GRK3: variants seen among roughly 807,000 people sequenced by gnomAD.
The protein encoded by GRK3 is G protein-coupled receptor kinase 3, also known as adrenergic, beta, receptor kinase 2.
In GRK3, 54 loss-of-function variants were observed where a neutral mutation model predicts 95.7. The observed-to-expected ratio is 0.56, with a 90% CI of 0.45 to 0.71. GRK3 has a LOEUF of 0.71. Among genes scored for constraint, GRK3 ranks in the 30% least tolerant of loss-of-function variants. GRK3 has a pLI of 0.00. For missense variants in GRK3, 649 were observed against 851.2 expected, an observed-to-expected ratio of 0.76 and a Z score of 2.96; for synonymous variants, 281 against 290.8, an observed-to-expected ratio of 0.97 and a Z score of 0.34.
chr22:25,600,134 C>A (rs2084399031), intron 1 of GRK3, among the ~76,000 whole-genome samples: 1 of 151,248 alleles, frequency 6.6e-6, no homozygotes, highest in Non-Finnish European at 1.5e-5. Flanking sequence ...AGTCAGCTGT[C>A]CATATCTGCA....
At chr22:25,658,242 AT>A (rs1169391707) in intron 3 of GRK3, among the ~76,000 whole-genome samples, 2 of 152,138 alleles carry the variant, frequency 1.3e-5, no homozygotes, top group Admixed American at 1.3e-4. Context: ...CTGTAGAATA[AT>A]TTTAGCTTGT....
chr22:25,575,426 C>G (rs9608411), intron 1 of GRK3, among the ~76,000 whole-genome samples: 1 of 152,120 alleles, frequency 6.6e-6, no homozygotes, highest in Admixed American at 6.5e-5. Flanking sequence ...AACTTATGCT[C>G]TAGAACTAGG....
chr22:25,565,295 G>A (rs1931425328), intron 1 of GRK3, 142 bp downstream of exon 1: 3 of 431,738 alleles, frequency 6.9e-6, no homozygotes, highest in African/African-American at 2.1e-5. Flanking sequence ...TGCGGGGCCG[G>A]CCTCGTCGTT....
At chr22:25,698,758 T>C (rs2085231879) in intron 13 of GRK3, among the ~76,000 whole-genome samples, 1 of 152,108 alleles carries the variant, frequency 6.6e-6, no homozygotes, top group South Asian at 2.1e-4. Flanking sequence ...CCTGGAGCAA[T>C]GGAGGAACCG....
intron 1 of GRK3, among the ~76,000 whole-genome samples, chr22:25,588,972 T>C (rs1932409286): frequency 6.6e-6 from 1 of 152,130 alleles, no homozygotes; most frequent in Non-Finnish European, 1.5e-5. Flanking sequence ...GTTCTCGCTA[T>C]GTTGCCCAGG....
At chr22:25,626,311 C>T (rs1455349152) in intron 2 of GRK3, among the ~76,000 whole-genome samples, 9 of 152,194 alleles carry the variant, frequency 5.9e-5, no homozygotes, top group Admixed American at 3.9e-4. Flanking sequence ...GATGTTTGTG[C>T]ACTGTTGGGA....
chr22:25,585,760 C>T (rs1179873706), intron 1 of GRK3, among the ~76,000 whole-genome samples: 6 of 152,230 alleles, frequency 3.9e-5, no homozygotes, highest in Admixed American at 1.3e-4. Flanking sequence ...TCAGCCAAAA[C>T]GTATTCCAGT....
At position 25,678,048 on chromosome 22, in the gene GRK3, T is replaced by C. The variant is rs1175783261; in HGVS notation, c.648-768T>C. On this transcript the variant is annotated intron_variant, in intron 8 of 20. Coordinates refer to ENST00000324198, the MANE Select transcript of GRK3 (RefSeq NM_005160.4). ...ATAACTTAAATATCAAAATTAAAAA[T>C]AAATCAATAAAATAGCATTTTAGGA... is the stretch of plus-strand genomic sequence containing the variant. Among the ~76,000 whole-genome samples, 5 of 152,012 alleles carry C rather than the reference T, an allele frequency of 3.3e-5. No homozygotes were observed. The South Asian group carries it at 6.2e-4, about 19-fold the overall frequency.
chr22:25,683,516 T>C (rs1290947201), intron 9 of GRK3, among the ~76,000 whole-genome samples: 1 of 152,258 alleles, frequency 6.6e-6, no homozygotes, highest in East Asian at 1.9e-4. Context: ...GAAAGTTCTA[T>C]TCACTGTATA....
At chr22:25,630,682 T>C (rs2146367659) in intron 2 of GRK3, among the ~76,000 whole-genome samples, 1 of 152,362 alleles carries the variant, frequency 6.6e-6, no homozygotes, top group Middle Eastern at 3.4e-3. Flanking sequence ...TGAATTTTTC[T>C]TTGGCCACAT....
intron 4 of GRK3, 26 bp from the exon 5 acceptor site, chr22:25,663,604 A>T: frequency 2.0e-6 from 3 of 1,514,776 alleles, no homozygotes; most frequent in Non-Finnish European, 2.7e-6. Flanking sequence ...TTTATTATTT[A>T]AAAATATTAT....
At chr22:25,670,470 C>T (rs767690340) in intron 6 of GRK3, among the ~76,000 whole-genome samples, 6 of 151,742 alleles carry the variant, frequency 4.0e-5, no homozygotes, top group African/African-American at 9.7e-5. Flanking sequence ...CACTGCACTC[C>T]GGCCTGGGAC....
intron 3 of GRK3, chr22:25,649,375 C>A: frequency 1.7e-6 from 1 of 578,598 alleles, no homozygotes; most frequent in Non-Finnish European, 3.1e-6. Flanking sequence ...TATGGTTCCA[C>A]AAAACCACTT....
intron 3 of GRK3, among the ~76,000 whole-genome samples, chr22:25,652,938 G>A (rs760374678): frequency 3.3e-5 from 5 of 152,148 alleles, no homozygotes; most frequent in East Asian, 1.9e-4. Context: ...ATCATACGGC[G>A]TAGGGGTGTA....
rs575388226 is a variant in GRK3, at chr22:25,658,103, C to T, written c.265-3473C>T. ...TGAATATTTTCTGTTAACATCCTTT[C>T]TGTTATGTCCAGTTATAATAGCTGC... On this transcript the variant is annotated intron_variant, in intron 3 of 20. Coordinates refer to ENST00000324198, the MANE Select transcript of GRK3 (RefSeq NM_005160.4). 9.9e-5 allele frequency among the ~76,000 whole-genome samples: 15 copies of T among 152,176 alleles called. 1 individual carries two copies. In the South Asian group the frequency reaches 2.9e-3, roughly 29 times the overall value.
At chr22:25,720,539 C>T (rs982970587) in intron 19 of GRK3, among the ~76,000 whole-genome samples, 52 of 138,926 alleles carry the variant, frequency 3.7e-4, no homozygotes, top group African/African-American at 1.3e-3. Flanking sequence ...TGCAGTGGCG[C>T]GATCTTGGCT....
intron 19 of GRK3, among the ~76,000 whole-genome samples, chr22:25,718,668 A>C (rs965749006): frequency 6.6e-6 from 1 of 152,222 alleles, no homozygotes; most frequent in African/African-American, 2.4e-5. Flanking sequence ...CAGATCTAAA[A>C]AGAAAAGACA....
chr22:25,699,585 A>G (rs1456423956), intron 13 of GRK3, among the ~76,000 whole-genome samples: 1 of 152,116 alleles, frequency 6.6e-6, no homozygotes, highest in Non-Finnish European at 1.5e-5. Context: ...GCCGAGGGTG[A>G]GGACCACTGC....
rs2085403880 is a variant in GRK3, at chr22:25,718,383, T to A, written c.1791+2T>A. The A allele has an allele frequency of 3.1e-6, 5 of 1,613,910 alleles. No individual in the cohort carries two copies. The highest frequency in any genetic ancestry group is 4.2e-6 in the Non-Finnish European group (5 of 1,179,904). Reference sequence around the variant, plus strand: ...TGGAGAGGAGAGGGAGAGTCCCGGGTAAGTCTAAGGCAGCCTCACCGAGCA... The same window carrying A: ...TGGAGAGGAGAGGGAGAGTCCCGGGAAAGTCTAAGGCAGCCTCACCGAGCA... On this transcript the variant is annotated splice_donor_variant, in intron 19 of 20. Coordinates refer to ENST00000324198, the MANE Select transcript of GRK3 (RefSeq NM_005160.4). LOFTEE classifies it high-confidence loss of function.
Sources: allele counts gnomAD v4.1 joint callset (sites outside exome capture counted in the v4.1 genomes callset), GRCh38; gene constraint gnomAD v4.1.1; transcripts MANE v1.5; gene names NCBI Gene and HGNC (gene_info 2026-07-23, HGNC 2026-07-21).